The following ADAMTS6 variants were observed in gnomAD, a reference collection of about 807,000 sequenced individuals.
ADAMTS6 encodes A disintegrin and metalloproteinase with thrombospondin motifs 6.
In ADAMTS6, 23 loss-of-function variants were observed where a neutral mutation model predicts 144.3. The observed-to-expected ratio is 0.16, with a 90% CI of 0.11 to 0.23. The LOEUF is 0.23. ADAMTS6 is among the 10% of genes least tolerant of loss of function. The pLI is 1.00. For synonymous variants in ADAMTS6, 444 were observed against 457.5 expected (o/e 0.97, Z 0.38); for missense variants, 999 against 1,379.6 (o/e 0.72, Z 4.37).
intron 14 of ADAMTS6, among the ~76,000 whole-genome samples, chr5:65,248,995 T>C (rs574630765): frequency 2.0e-4 from 30 of 152,124 alleles, no homozygotes; most frequent in African/African-American, 7.0e-4. Context: ...TACCAAGATA[T>C]TGTTCCTGTT....
At chr5:65,242,876 T>C (rs1759315617) in intron 14 of ADAMTS6, among the ~76,000 whole-genome samples, 1 of 152,036 alleles carries the variant, frequency 6.6e-6, no homozygotes, top group Non-Finnish European at 1.5e-5. Flanking sequence ...AGAGGGATGT[T>C]AAGAGGGTGA....
chr5:65,207,122 T>C (rs1286337150), intron 20 of ADAMTS6, among the ~76,000 whole-genome samples: 1 of 152,166 alleles, frequency 6.6e-6, no homozygotes, highest in African/African-American at 2.4e-5. Context: ...CAGTAAACTG[T>C]CTCCTTCCTA....
At position 65,334,100 on chromosome 5, in the gene ADAMTS6, G is replaced by C. The variant is rs1287703694; in HGVS notation, c.1074-15C>G. On this transcript the variant is annotated splice_polypyrimidine_tract_variant and intron_variant, in intron 7 of 24. Transcript: ENST00000381055. ...AGATATCATATCTATGGAGAAAACA[G>C]AGATGAAATTTGTAATCTGATCAGA... is the stretch of plus-strand genomic sequence containing the variant. 1 of 1,499,590 alleles carries C rather than the reference G, an allele frequency of 6.7e-7. No individual in the cohort carries two copies. The allele number at this position is 1,499,590 out of a possible 1,614,324, so 92.9% of individuals were successfully genotyped here.
At chr5:65,415,657 G>A in intron 7 of ADAMTS6, 2 of 278,514 alleles carry the variant, frequency 7.2e-6, no homozygotes, top group Non-Finnish European at 7.1e-6. Context: ...CAAGGATGAG[G>A]TTTTGAAGAT....
At chr5:65,417,087 T>C (rs1267228020) in intron 7 of ADAMTS6, among the ~76,000 whole-genome samples, 1 of 152,172 alleles carries the variant, frequency 6.6e-6, no homozygotes, top group Non-Finnish European at 1.5e-5. Context: ...CACAAATCAA[T>C]AAATGTGATT....
intron 7 of ADAMTS6, among the ~76,000 whole-genome samples, chr5:65,356,334 A>G (rs1007884012): frequency 1.3e-5 from 2 of 151,902 alleles, no homozygotes; most frequent in African/African-American, 4.8e-5. Context: ...CTTGAAAACT[A>G]GCTGTCATCA....
At chr5:65,370,780 A>G (rs187117099) in intron 7 of ADAMTS6, among the ~76,000 whole-genome samples, 3,870 of 152,338 alleles carry the variant, frequency 0.025, 183 homozygotes, top group African/African-American at 0.088. Flanking sequence ...ACCACAGCTC[A>G]AGGAGGCCTG....
intron 7 of ADAMTS6, among the ~76,000 whole-genome samples, chr5:65,441,535 G>T (rs1372836694): frequency 1.3e-5 from 2 of 151,710 alleles, no homozygotes; most frequent in African/African-American, 4.8e-5. Flanking sequence ...ACTCAGTAAG[G>T]GTAAAGAATA....
At chr5:65,414,574 G>T (rs1188937469) in intron 7 of ADAMTS6, among the ~76,000 whole-genome samples, 4 of 152,210 alleles carry the variant, frequency 2.6e-5, no homozygotes, top group Non-Finnish European at 4.4e-5. Context: ...GCTGTAAGAA[G>T]GATATATATA....
Position 65,410,383 on chromosome 5 carries a change from T to C in ADAMTS6, c.1073+41092A>G, listed in dbSNP as rs539334363. On this transcript the variant is annotated intron_variant, in intron 7 of 24. Coordinates refer to ENST00000381055, the MANE Select transcript of ADAMTS6 (RefSeq NM_197941.4). ...GGTAAAAGTTACAGCCAACAAGAGTTAGCATTCTTTCTTTAATTGGCAAGT... is the reference window on the plus strand; with the variant it reads ...GGTAAAAGTTACAGCCAACAAGAGTCAGCATTCTTTCTTTAATTGGCAAGT... 2.0e-5 allele frequency among the ~76,000 whole-genome samples: 3 copies of C among 152,334 alleles called. No homozygotes were observed. In the East Asian group the frequency reaches 5.8e-4, roughly 29 times the overall value.
In ADAMTS6 at chr5:65,336,132, A is replaced by AT. The variant is rs1747284282; in HGVS notation, c.1074-2048dup. Among the ~76,000 whole-genome samples the AT allele has an allele frequency of 5.9e-5, 9 of 152,148 alleles. No individual in the cohort carries two copies. The South Asian group carries it at 1.9e-3, about 32-fold the overall frequency. On this transcript the variant is annotated intron_variant, in intron 7 of 24. Coordinates refer to ENST00000381055, the MANE Select transcript of ADAMTS6 (RefSeq NM_197941.4). Reference sequence around the variant, plus strand: ...AAAATAGTTTGTATAGTAGAGAAGGATTTTTTCAAACCATGAGTATATATA... The same window carrying AT: ...AAAATAGTTTGTATAGTAGAGAAGGATTTTTTTCAAACCATGAGTATATATA...
intron 20 of ADAMTS6, among the ~76,000 whole-genome samples, chr5:65,203,334 G>A (rs754146353): frequency 1.3e-5 from 2 of 152,088 alleles, no homozygotes; most frequent in African/African-American, 2.4e-5. Context: ...GGCTGCAGTG[G>A]GCTATTACTG....
At chr5:65,383,221 T>G (rs1188500588) in intron 7 of ADAMTS6, among the ~76,000 whole-genome samples, 2 of 152,150 alleles carry the variant, frequency 1.3e-5, no homozygotes, top group African/African-American at 4.8e-5. Context: ...ACAAAATGCA[T>G]ACATTCCATC....
intron 12 of ADAMTS6, among the ~76,000 whole-genome samples, chr5:65,266,803 T>C (rs1580236724): frequency 6.6e-6 from 1 of 152,112 alleles, no homozygotes; most frequent in Middle Eastern, 3.4e-3. Flanking sequence ...TTTCCTCCTT[T>C]GTTATTTATA....
chr5:65,152,059 G>T, intron 24 of ADAMTS6, 114 bp from the exon 25 acceptor site: 1 of 779,958 alleles, frequency 1.3e-6, no homozygotes. Flanking sequence ...ATCCACCTTG[G>T]CTTCGACCTC....
chr5:65,397,610 C>T (rs2150157141), intron 7 of ADAMTS6, among the ~76,000 whole-genome samples: 1 of 152,050 alleles, frequency 6.6e-6, no homozygotes. Context: ...GGTGTGGTGG[C>T]TCACACCTGT....
intron 15 of ADAMTS6, among the ~76,000 whole-genome samples, chr5:65,240,835 G>A (rs1363569297): frequency 6.6e-6 from 1 of 152,110 alleles, no homozygotes; most frequent in African/African-American, 2.4e-5. Context: ...AATTTTGGAG[G>A]TAAAGCCAAT....
At chr5:65,306,890 T>C (rs1180916319) in intron 9 of ADAMTS6, among the ~76,000 whole-genome samples, 2 of 152,236 alleles carry the variant, frequency 1.3e-5, no homozygotes, top group African/African-American at 2.4e-5. Flanking sequence ...TATTAATTTG[T>C]AGTTCTTTAT....
intron 1 of ADAMTS6, among the ~76,000 whole-genome samples, chr5:65,476,704 G>A (rs1760862654): frequency 6.6e-6 from 1 of 152,078 alleles, no homozygotes; most frequent in Non-Finnish European, 1.5e-5. Context: ...CACCTCCCGG[G>A]TTCAAGTGAT....
Sources: allele counts gnomAD v4.1 joint callset (sites outside exome capture counted in the v4.1 genomes callset), GRCh38; gene constraint gnomAD v4.1.1; transcripts MANE v1.5; gene names NCBI Gene and HGNC (gene_info 2026-07-23, HGNC 2026-07-21).